The following PRRC2B variants were observed in gnomAD, a reference collection of about 807,000 sequenced individuals.
PRRC2B encodes proline rich coiled-coil 2B, also known as protein PRRC2B.
A neutral mutation model predicts 242.3 loss-of-function variants in PRRC2B; 68 were observed. That is an observed-to-expected ratio of 0.28 (90% CI 0.23 to 0.34). PRRC2B has a LOEUF of 0.34. Ranked by LOEUF, PRRC2B falls within the 10% of genes least tolerant of loss-of-function variation. The pLI, the probability that PRRC2B is intolerant of heterozygous loss-of-function variation, is 1.00. For missense variants in PRRC2B, 2,835 were observed against 2,954.8 expected, an observed-to-expected ratio of 0.96 and a Z score of 0.94; for synonymous variants, 1,228 against 1,173.6, an observed-to-expected ratio of 1.05 and a Z score of -0.95.
chr9:131,492,294 A>G (rs768259685), intron 30 of PRRC2B, 34 bp downstream of exon 30: 29 of 1,557,704 alleles, frequency 1.9e-5, no homozygotes, highest in Non-Finnish European at 2.4e-5. Flanking sequence ...CGTGCTGTGT[A>G]GCTGAGCAGT....
Position 131,479,202 on chromosome 9 carries a change from G to C in PRRC2B, c.4759-50G>C, listed in dbSNP as rs537665234. The stretch of plus-strand genomic sequence containing the variant: ...GGGATACTTATCCTGGGGAGAATTT[G>C]TCAGTCTTGGTGCCTTTGGCTAGAC... On this transcript the variant is annotated intron_variant, in intron 18 of 31. Coordinates refer to ENST00000683519, the MANE Select transcript of PRRC2B (RefSeq NM_013318.4). The C allele has an allele frequency of 3.0e-5, 47 of 1,586,578 alleles. 1 individual carries two copies. In the South Asian group the frequency reaches 5.2e-4, roughly 17 times the overall value.
Position 131,486,098 on chromosome 9 carries a change from G to T in PRRC2B, c.5772G>T (p.Pro1924=). Residue 1924 remains proline, a synonymous_variant, in exon 26 of 32, where the codon CCG becomes CCT. Coordinates refer to ENST00000683519, the MANE Select transcript of PRRC2B (RefSeq NM_013318.4). The part of the protein sequence containing the change: ...PSASMPGSHL[P]PLYLDGHVFA... ...CTCTGTTTCCAGGCAGCCACCTCCCGCCCCTGTACCTGGATGGCCATGTGT... is the reference window on the plus strand; with the variant it reads ...CTCTGTTTCCAGGCAGCCACCTCCCTCCCCTGTACCTGGATGGCCATGTGT... 1 of 1,612,104 alleles carries T rather than the reference G, an allele frequency of 6.2e-7. No individual in the cohort carries two copies. Among genetic ancestry groups the T allele is most frequent in the Non-Finnish European group, 8.5e-7 (1 of 1,178,952 alleles).
Position 131,487,421 on chromosome 9 carries a change from G to T in PRRC2B, c.5984+127G>T. On this transcript the variant is annotated intron_variant, in intron 27 of 31. Transcript: ENST00000683519. This position sits in a 1 kb window ranked among gnomAD's most constrained non-coding sequence, Gnocchi z 5.3. ...GGGCCAGTGGGGCGGGGAGGGGTGG[G>T]AGTTTGCTCTGAATCACTCTTCAGT... The T allele has an allele frequency of 1.9e-5, 12 of 637,936 alleles. No homozygotes were observed. The highest frequency in any genetic ancestry group is 3.2e-5 in the East Asian group (1 of 31,586). 39.5% of individuals were successfully genotyped at this position (637,936 alleles called of 1,614,324 possible). A position where few individuals can be genotyped will look rare whatever the true frequency, so the allele number is the denominator to read the frequency against.
intron 5 of PRRC2B, among the ~76,000 whole-genome samples, chr9:131,442,129 T>G (rs1222181330): frequency 6.6e-6 from 1 of 152,008 alleles, no homozygotes; most frequent in Non-Finnish European, 1.5e-5. Context: ...CCTTTTTTTT[T>G]GTTTGTTTGT....
intron 5 of PRRC2B, among the ~76,000 whole-genome samples, chr9:131,440,119 C>T (rs935877143): frequency 2.2e-4 from 34 of 152,156 alleles, no homozygotes; most frequent in African/African-American, 8.0e-4. Flanking sequence ...GTTGCTCAGG[C>T]TGGTCTCCAA....
In PRRC2B at chr9:131,447,150, G is replaced by A; in HGVS notation, c.921G>A (p.Gln307=). 1 of 1,613,994 alleles carries A rather than the reference G, an allele frequency of 6.2e-7. No homozygotes were observed. Among genetic ancestry groups the A allele is most frequent in the South Asian group, 1.1e-5 (1 of 91,080 alleles). Residue 307 remains glutamine (Q), a synonymous_variant, in exon 8 of 32, where the codon CAG becomes CAA. Coordinates refer to ENST00000683519, the MANE Select transcript of PRRC2B (RefSeq NM_013318.4). The stretch of plus-strand genomic sequence containing the variant: ...AACGAGGCTCTTTTCCCCTTCCTCA[G>A]CTCCGCCTTGAACCTCGAGTTCCTT... The part of the protein sequence containing the change: ...TVERGSFPLP[Q]LRLEPRVPFR...
chr9:131,483,560 C>A, intron 23 of PRRC2B, 115 bp downstream of exon 23: 1 of 884,046 alleles, frequency 1.1e-6, no homozygotes, highest in South Asian at 1.4e-5. Flanking sequence ...GACTCAGTTG[C>A]TAGCAGCTCC....
chr9:131,460,259 A>G (rs1943204394), intron 11 of PRRC2B, among the ~76,000 whole-genome samples: 1 of 152,192 alleles, frequency 6.6e-6, no homozygotes, highest in Admixed American at 6.5e-5. Flanking sequence ...CTTACTCGAA[A>G]TAATCCAGTT....
At chr9:131,493,871 T>G (rs200163635) in intron 30 of PRRC2B, among the ~76,000 whole-genome samples, 2,611 of 149,766 alleles carry the variant, frequency 0.017, 72 homozygotes, top group African/African-American at 0.055. Context: ...ACCGCAGACT[T>G]TTTTTTTTTC....
chr9:131,465,097 T>C lies in PRRC2B; in HGVS notation c.1720+19T>C. ...CACAAAGGTAAGAGCTGGGCCGTCT[T>C]CCCACCAACTGGAAACCCTGGCCTG... On this transcript the variant is annotated intron_variant, in intron 12 of 31. Coordinates refer to ENST00000683519, the MANE Select transcript of PRRC2B (RefSeq NM_013318.4). 1 of 1,584,984 alleles carries C rather than the reference T, an allele frequency of 6.3e-7. No homozygotes were observed. Among genetic ancestry groups the C allele is most frequent in the Non-Finnish European group, 8.6e-7 (1 of 1,163,710 alleles).
In PRRC2B at chr9:131,439,014, C is replaced by G; in HGVS notation, c.422C>G (p.Pro141Arg). 1.2e-6 allele frequency: 2 copies of G among 1,613,566 alleles called. No individual in the cohort carries two copies. The highest frequency in any genetic ancestry group is 1.7e-6 in the Non-Finnish European group (2 of 1,179,698). The stretch of plus-strand genomic sequence containing the variant: ...AATACAAATTCAGTGCCAGGTGGAC[C>G]AAAGTCATGGGCACAGCTGAATGGA... The part of the protein sequence containing the change: ...QENTNSVPGG[P>R]KSWAQLNGKP... The change falls in exon 5 of 32, where the codon CCA becomes CGA. Residue 141 changes from proline to arginine, a missense_variant. By Grantham distance (103) the Pro-to-Arg change is moderately radical (BLOSUM62 -2). Transcript: ENST00000683519.
At chr9:131,421,310 T>G (rs554008042) in intron 1 of PRRC2B, among the ~76,000 whole-genome samples, 2 of 152,332 alleles carry the variant, frequency 1.3e-5, no homozygotes, top group East Asian at 3.9e-4. Context: ...GTCGCCTTAC[T>G]TACGTTAAAG....
In PRRC2B at chr9:131,447,201, A is replaced by G; in HGVS notation, c.972A>G (p.Gln324=). 1.2e-6 allele frequency: 2 copies of G among 1,614,004 alleles called. No homozygotes were observed. The highest frequency in any genetic ancestry group is 1.7e-6 in the Non-Finnish European group (2 of 1,179,886). The change falls in exon 8 of 32, where the codon CAA becomes CAG. Residue 324 remains glutamine (Q), a synonymous_variant. Transcript: ENST00000683519. Reference sequence around the variant, plus strand: ...TTAGACAGTTCCAGATGAATGACCAAGACGGGTGAGTCCATTGCATTACAG... The same window carrying G: ...TTAGACAGTTCCAGATGAATGACCAGGACGGGTGAGTCCATTGCATTACAG... ...VPFRQFQMND[Q]DGKENRLGLS...
chr9:131,458,085 C>A (rs763749861), intron 10 of PRRC2B, among the ~76,000 whole-genome samples: 2 of 152,062 alleles, frequency 1.3e-5, no homozygotes, highest in African/African-American at 4.8e-5. Context: ...TCTTGTCCAG[C>A]CACCCCTGCA....
upstream of PRRC2B, among the ~76,000 whole-genome samples, chr9:131,392,546 AC>A (rs1836919362): frequency 1.3e-5 from 2 of 152,200 alleles, no homozygotes; most frequent in African/African-American, 2.4e-5. Context: ...AAAATCGAAA[AC>A]AAAAATTAGG....
Position 131,487,894 on chromosome 9 carries a change from G to T in PRRC2B, c.6023G>T (p.Ser2008Ile). ...VYMHPSLSPP[S>I]TMILSGGTAL... ...ATGCACCCCAGCCTGTCACCGCCCAGCACCATGATCCTCTCTGGGGGCACA... is the reference window on the plus strand; with the variant it reads ...ATGCACCCCAGCCTGTCACCGCCCATCACCATGATCCTCTCTGGGGGCACA... The change falls in exon 28 of 32, where the codon AGC (serine) becomes ATC (isoleucine). Residue 2008 changes from serine (S) to isoleucine (I), a missense_variant. Physicochemically the swap from Ser to Ile is moderately radical, Grantham distance 142. This residue lies in a region of PRRC2B where 574 missense variants were observed against 626.0 expected (regional missense o/e 0.92). Transcript: ENST00000683519. The surrounding 1 kb of genome is among the most constrained non-coding windows in gnomAD (Gnocchi z 5.3). 1 of 1,613,454 alleles carries T rather than the reference G, an allele frequency of 6.2e-7. No homozygotes were observed. Among genetic ancestry groups the T allele is most frequent in the Non-Finnish European group, 8.5e-7 (1 of 1,179,438 alleles).
At chr9:131,398,077 C>CA (rs1837117898) in intron 1 of PRRC2B, among the ~76,000 whole-genome samples, 1 of 152,192 alleles carries the variant, frequency 6.6e-6, no homozygotes, top group Non-Finnish European at 1.5e-5. Context: ...ATGGGAGCGA[C>CA]ATGGGATATG....
chr9:131,426,337 C>CAAAAAAAAAAAAAAAAAAAAAA (rs5900939), intron 1 of PRRC2B, among the ~76,000 whole-genome samples: 1 of 84,480 alleles, frequency 1.2e-5, no homozygotes, highest in Non-Finnish European at 2.5e-5. Context: ...AACTCTGTCT[C>CAAAAAAAAAAAAAAAAAAAAAA]AAAAAAAAAA....
rs978919261 is a variant in PRRC2B, at chr9:131,388,383, G to C, written c.-56+14652G>C. On this transcript the variant is annotated intron_variant, in intron 1 of 1. Transcript: ENST00000682525. ...AGCCTCCCGAGTAGCTGGGATTACA[G>C]GCATACACCACCACACCCATCTAAT... Among the ~76,000 whole-genome samples the C allele has an allele frequency of 3.7e-4, 55 of 148,252 alleles. 4 individuals carry two copies. Among genetic ancestry groups the C allele is most frequent in the Middle Eastern group, 3.5e-3 (1 of 286 alleles).
Sources: gnomAD v4.1 joint callset for allele counts (sites outside exome capture counted in the v4.1 genomes callset) on GRCh38, gnomAD v4.1.1 for gene constraint, gnomAD v4.1.1 regional missense constraint, Gnocchi (gnomAD v3.1) non-coding constraint, MANE v1.5 for transcripts, NCBI Gene and HGNC (gene_info 2026-07-23, HGNC 2026-07-21) for gene names.